Variants in RIMS1 observed in about 807,000 individuals in gnomAD.
RIMS1 encodes the protein regulating synaptic membrane exocytosis 1.
RIMS1 carries 83 observed loss-of-function variants against 214.1 expected under a neutral mutation model. The observed-to-expected ratio is 0.39, with a 90% confidence interval of 0.32 to 0.47. The LOEUF (loss-of-function observed/expected upper bound fraction) is 0.47, where lower values mean the gene tolerates loss of function less well. Ranked by LOEUF, RIMS1 falls within the 20% of genes least tolerant of loss-of-function variation. The pLI is 0.99. For missense variants in RIMS1, 2,050 were observed against 2,161.8 expected (o/e 0.95, Z 1.03); for synonymous variants, 793 against 786.8 (o/e 1.01, Z -0.13).
At chr6:72,090,171 A>G (rs563754918) in intron 2 of RIMS1, among the ~76,000 whole-genome samples, 1 of 151,540 alleles carries the variant, frequency 6.6e-6, no homozygotes, top group Admixed American at 6.6e-5. Context: ...AAAGTATAAT[A>G]AAAAAAAATT....
intron 6 of RIMS1, among the ~76,000 whole-genome samples, chr6:72,189,126 C>T (rs2049620427): frequency 6.6e-6 from 1 of 152,158 alleles, no homozygotes; most frequent in African/African-American, 2.4e-5. Context: ...TCCACTTCTA[C>T]CTTTTGATTC....
At chr6:72,275,126 A>G (rs1371231537) in intron 23 of RIMS1, among the ~76,000 whole-genome samples, 1 of 230 alleles carries the variant, frequency 4.3e-3, no homozygotes, top group Non-Finnish European at 7.7e-3. Context: ...TATGGTATAT[A>G]TATATATATA....
chr6:72,086,206 G>C (rs545269268), intron 2 of RIMS1, among the ~76,000 whole-genome samples: 1 of 152,110 alleles, frequency 6.6e-6, no homozygotes, highest in African/African-American at 2.4e-5. Context: ...CACAAAAAGC[G>C]TTGAAGGAGA....
chr6:72,158,895 T>C lies in RIMS1; in HGVS notation c.472-20680T>C, dbSNP rs943107224. On this transcript the variant is annotated intron_variant, in intron 4 of 33. Transcript: ENST00000521978. ...GTGTGCATGTGTCTTTATAGCAGCA[T>C]GATTTATAATCCTTTGGGTATAAAT... Among the ~76,000 whole-genome samples the C allele has an allele frequency of 1.4e-5, 2 of 140,590 alleles. 1 individual carries two copies. Among genetic ancestry groups the C allele is most frequent in the African/African-American group, 4.9e-5 (2 of 40,588 alleles). 92.2% of individuals were successfully genotyped at this position (140,590 alleles called of 152,430 possible). A position where few individuals can be genotyped will look rare whatever the true frequency, so the allele number is the denominator to read the frequency against.
rs201472266 is a variant in RIMS1, at chr6:72,354,696, C to T, written c.4366+20861C>T. 1.1e-4 allele frequency among the ~76,000 whole-genome samples: 16 copies of T among 152,244 alleles called. No individual in the cohort carries two copies. The East Asian group carries it at 3.1e-3, about 29-fold the overall frequency. Reference sequence around the variant, plus strand: ...TTTTGCTATGTAGAATATAAAGATTCTGATGGGTATATTCAGTTTTATTCA... The same window carrying T: ...TTTTGCTATGTAGAATATAAAGATTTTGATGGGTATATTCAGTTTTATTCA... On this transcript the variant is annotated intron_variant, in intron 29 of 33. Coordinates refer to ENST00000521978, the MANE Select transcript of RIMS1 (RefSeq NM_014989.7).
At chr6:72,352,994 T>C (rs1004923484) in intron 29 of RIMS1, among the ~76,000 whole-genome samples, 5 of 142,442 alleles carry the variant, frequency 3.5e-5, no homozygotes, top group Non-Finnish European at 7.7e-5. Context: ...TTTTTTTTTT[T>C]TTTTTTTTTT....
intron 29 of RIMS1, among the ~76,000 whole-genome samples, chr6:72,380,946 T>G (rs2098476187): frequency 6.6e-6 from 1 of 152,194 alleles, no homozygotes; most frequent in African/African-American, 2.4e-5. Flanking sequence ...GCTTAAAGTA[T>G]CTCAATCATC....
At chr6:72,015,513 T>A (rs1245930894) in intron 2 of RIMS1, among the ~76,000 whole-genome samples, 1 of 152,226 alleles carries the variant, frequency 6.6e-6, no homozygotes, top group East Asian at 1.9e-4. Context: ...CTTTTCTGGA[T>A]ATCTTTTATT....
At chr6:72,029,522 C>G (rs1277867638) in intron 2 of RIMS1, among the ~76,000 whole-genome samples, 4 of 152,128 alleles carry the variant, frequency 2.6e-5, no homozygotes, top group Non-Finnish European at 5.9e-5. Context: ...CCAGAAGGAA[C>G]AGGGCCCTCA....
intron 4 of RIMS1, among the ~76,000 whole-genome samples, chr6:72,146,391 C>A (rs2042757670): frequency 6.6e-6 from 1 of 152,178 alleles, no homozygotes; most frequent in Admixed American, 6.5e-5. Context: ...AGCTTGATTT[C>A]ATCCTTGCAT....
intron 4 of RIMS1, among the ~76,000 whole-genome samples, chr6:72,178,073 A>T (rs2047954045): frequency 6.6e-6 from 1 of 152,236 alleles, no homozygotes; most frequent in South Asian, 2.1e-4. Context: ...TGTAGACATT[A>T]TACCTAACTG....
At chr6:72,191,454 C>T (rs530617834) in intron 6 of RIMS1, among the ~76,000 whole-genome samples, 4 of 152,228 alleles carry the variant, frequency 2.6e-5, no homozygotes, top group African/African-American at 9.6e-5. Flanking sequence ...GTGTTTGCTA[C>T]TTCATGCTCA....
At chr6:72,037,846 G>A (rs1008370470) in intron 2 of RIMS1, among the ~76,000 whole-genome samples, 2 of 151,546 alleles carry the variant, frequency 1.3e-5, no homozygotes, top group African/African-American at 4.8e-5. Flanking sequence ...TGCCTCAAAT[G>A]AAATGAAGCT....
chr6:72,287,152 G>A (rs974597019), intron 24 of RIMS1, among the ~76,000 whole-genome samples: 3 of 152,066 alleles, frequency 2.0e-5, no homozygotes, highest in African/African-American at 7.2e-5. Context: ...ATTCTAACTT[G>A]GGGATGCTTT....
At chr6:72,343,630 G>A (rs566785958) in intron 29 of RIMS1, among the ~76,000 whole-genome samples, 1 of 149,000 alleles carries the variant, frequency 6.7e-6, no homozygotes, top group South Asian at 2.1e-4. Flanking sequence ...TCTTAATATG[G>A]CTCTAAATGG....
At position 72,402,191 on chromosome 6, in the gene RIMS1, G is replaced by T. The variant is rs564579668; in HGVS notation, c.*1477G>T. Reference sequence around the variant, plus strand: ...AATTTTAAAAAGAAAAGAAACAAAAGGTTATTTAATAATGTATGTTAGTTC... The same window carrying T: ...AATTTTAAAAAGAAAAGAAACAAAATGTTATTTAATAATGTATGTTAGTTC... On this transcript the variant is annotated 3_prime_UTR_variant, in exon 34 of 34. Transcript: ENST00000521978. 1.3e-5 allele frequency: 2 copies of T among 152,660 alleles called. No homozygotes were observed. The highest frequency in any genetic ancestry group is 6.5e-5 in the Admixed American group (1 of 15,282). The allele number at this position is 152,660 out of a possible 1,614,324, so 9.5% of individuals were successfully genotyped here. A position where few individuals can be genotyped will look rare whatever the true frequency, so the allele number is the denominator to read the frequency against.
At chr6:72,280,348 G>C (rs908049371) in intron 23 of RIMS1, among the ~76,000 whole-genome samples, 1 of 151,962 alleles carries the variant, frequency 6.6e-6, no homozygotes, top group African/African-American at 2.4e-5. Context: ...TATGGTACAT[G>C]AATATAGGTG....
chr6:72,367,898 AT>A (rs1336691637), intron 29 of RIMS1, among the ~76,000 whole-genome samples: 4 of 152,106 alleles, frequency 2.6e-5, no homozygotes, highest in East Asian at 3.8e-4. Context: ...TTATTTATAT[AT>A]TTTTTTATAT....
At chr6:72,376,762 G>T (rs1429565791) in intron 29 of RIMS1, among the ~76,000 whole-genome samples, 3 of 147,434 alleles carry the variant, frequency 2.0e-5, no homozygotes, top group Non-Finnish European at 4.5e-5. Context: ...AAAAAAAAAA[G>T]AGAATCAGAT....
Sources: allele counts gnomAD v4.1 joint callset (sites outside exome capture counted in the v4.1 genomes callset), GRCh38; gene constraint gnomAD v4.1.1; transcripts MANE v1.5; gene names NCBI Gene and HGNC (gene_info 2026-07-23, HGNC 2026-07-21).